The following SGK3 variants were observed in gnomAD, a reference collection of about 807,000 sequenced individuals.
SGK3 encodes serum/glucocorticoid regulated kinase family member 3, also known as serine/threonine-protein kinase Sgk3.
A neutral mutation model predicts 68.5 loss-of-function variants in SGK3; 47 were observed. The ratio of observed to expected loss-of-function variants is 0.69; its 90% CI spans 0.54 to 0.87. SGK3 has a LOEUF of 0.87. Ranked by LOEUF, SGK3 falls within the 40% of genes least tolerant of loss-of-function variation. The probability of loss-of-function intolerance (pLI) is 0.00; values close to 1 mark genes in which losing one functional copy is unlikely to be tolerated. For synonymous variants in SGK3, 181 were observed against 189.1 expected (o/e 0.96, Z 0.35); for missense variants, 479 against 575.5 (o/e 0.83, Z 1.72).
chr8:66,795,495 C>T (rs954068472), intron 2 of SGK3, among the ~76,000 whole-genome samples: 1 of 152,144 alleles, frequency 6.6e-6, no homozygotes, highest in South Asian at 2.1e-4. Context: ...CCTTCCTTCC[C>T]TCTCCTTATT....
chr8:66,861,123 TAAGAGAAAA>T lies in SGK3; in HGVS notation c.*1545_*1553del, dbSNP rs1810731966. 2 of 151,778 alleles carry T rather than the reference TAAGAGAAAA, an allele frequency of 1.3e-5. No homozygotes were observed. Among genetic ancestry groups the T allele is most frequent in the South Asian group, 2.1e-4 (1 of 4,798 alleles). 9.4% of individuals were successfully genotyped at this position (151,778 alleles called of 1,614,324 possible). ...CTGGGTGCCACAGCGAGACCCTAGT[TAAGAGAAAA>T]AAAAAGTAAAAACAAATTGTGGGTC... is the stretch of plus-strand genomic sequence containing the variant. On this transcript the variant is annotated 3_prime_UTR_variant, in exon 17 of 17. Transcript: ENST00000521198.
rs1457275354 is a variant in SGK3, at chr8:66,793,781, T to C, written c.45T>C (p.Ser15=). 8 of 1,613,356 alleles carry C rather than the reference T, an allele frequency of 5.0e-6. No individual in the cohort carries two copies. The highest frequency in any genetic ancestry group is 3.3e-4 in the Middle Eastern group (2 of 6,084). Residue 15 remains serine, a synonymous_variant, in exon 2 of 17, where the codon AGT becomes AGC. Coordinates refer to ENST00000521198, the MANE Select transcript of SGK3 (RefSeq NM_001033578.3). ...TGGACTACAAGGAAAGCTGCCCAAG[T>C]GTAAGCATTCCCAGCTCCGATGAAC... The part of the protein sequence containing the change: ...HTMDYKESCP[S]VSIPSSDEHR...
chr8:66,814,123 T>C (rs1029446609), intron 5 of SGK3, among the ~76,000 whole-genome samples, 195 bp downstream of exon 5: 1 of 152,252 alleles, frequency 6.6e-6, no homozygotes, highest in Admixed American at 6.5e-5. Context: ...TTTTTTCCTT[T>C]TGTACTTGCA....
chr8:66,728,085 A>G (rs1051797096), intron 1 of SGK3, among the ~76,000 whole-genome samples: 9 of 152,190 alleles, frequency 5.9e-5, no homozygotes, highest in Middle Eastern at 3.4e-3. Flanking sequence ...ACCACTATCT[A>G]ATTCCAGAAC....
intron 7 of SGK3, among the ~76,000 whole-genome samples, chr8:66,830,113 C>T (rs1167799485): frequency 3.3e-5 from 5 of 152,016 alleles, no homozygotes; most frequent in Non-Finnish European, 7.4e-5. Context: ...GCCTCAGTCT[C>T]CCAAAGTGCT....
At chr8:66,726,078 G>T (rs1246872158) in intron 1 of SGK3, among the ~76,000 whole-genome samples, 4 of 152,008 alleles carry the variant, frequency 2.6e-5, no homozygotes, top group Non-Finnish European at 5.9e-5. Context: ...AGTTGTACAC[G>T]CTAAGCCAAA....
At chr8:66,812,231 C>G (rs1230975537) in intron 4 of SGK3, among the ~76,000 whole-genome samples, 2 of 152,032 alleles carry the variant, frequency 1.3e-5, no homozygotes, top group Non-Finnish European at 2.9e-5. Flanking sequence ...GAGACAGTTT[C>G]TCAAATCAAA....
At chr8:66,807,831 T>C (rs892664924) in intron 4 of SGK3, among the ~76,000 whole-genome samples, 3 of 152,206 alleles carry the variant, frequency 2.0e-5, no homozygotes, top group African/African-American at 7.2e-5. Flanking sequence ...CACACAAGAC[T>C]GTGTATTGTG....
intron 3 of SGK3, among the ~76,000 whole-genome samples, chr8:66,801,480 G>A (rs1329807164): frequency 6.6e-6 from 1 of 152,072 alleles, no homozygotes; most frequent in African/African-American, 2.4e-5. Context: ...AGTTTGGGTT[G>A]CAATGTTAGC....
intron 1 of SGK3, among the ~76,000 whole-genome samples, chr8:66,754,071 C>T (rs534219957): frequency 1.8e-4 from 27 of 152,232 alleles, no homozygotes; most frequent in African/African-American, 6.0e-4. Flanking sequence ...TGATTTGTAA[C>T]CCCCTTTTGC....
In SGK3 at chr8:66,861,458, AAGAG is replaced by A. The variant is rs1169240959; in HGVS notation, c.*1882_*1885del. 3 of 152,204 alleles carry A rather than the reference AAGAG, an allele frequency of 2.0e-5. No homozygotes were observed. The highest frequency in any genetic ancestry group is 4.8e-5 in the African/African-American group (2 of 41,454). 9.4% of individuals were successfully genotyped at this position (152,204 alleles called of 1,614,324 possible). On this transcript the variant is annotated 3_prime_UTR_variant, in exon 17 of 17. Coordinates refer to ENST00000521198, the MANE Select transcript of SGK3 (RefSeq NM_001033578.3). ...CCTCATTTCTATTTATTTTAAAAAA[AAGAG>A]AGAGTAACTACAGAAGAACTTTAAA...
intron 1 of SGK3, among the ~76,000 whole-genome samples, chr8:66,735,449 G>C (rs1805291244): frequency 1.3e-5 from 2 of 152,288 alleles, no homozygotes; most frequent in South Asian, 4.1e-4. Context: ...CTCTTCTCAT[G>C]CGCTTTTAAT....
At chr8:66,719,723 G>A (rs1486099673) in intron 1 of SGK3, among the ~76,000 whole-genome samples, 1 of 152,050 alleles carries the variant, frequency 6.6e-6, no homozygotes, top group African/African-American at 2.4e-5. Flanking sequence ...TCAATTTTCT[G>A]TTATTTCTGT....
intron 1 of SGK3, chr8:66,737,755 A>G (rs1805367458): frequency 6.6e-6 from 1 of 151,652 alleles, no homozygotes. Flanking sequence ...AGCTGGGACT[A>G]CAGGCACACG....
At chr8:66,777,238 A>G (rs1296931680) in intron 1 of SGK3, among the ~76,000 whole-genome samples, 1 of 152,188 alleles carries the variant, frequency 6.6e-6, no homozygotes, top group African/African-American at 2.4e-5. Context: ...ATTGCATACA[A>G]CACCACACTT....
chr8:66,830,957 A>G (rs1268949592), intron 7 of SGK3, among the ~76,000 whole-genome samples: 2 of 152,222 alleles, frequency 1.3e-5, no homozygotes, highest in African/African-American at 4.8e-5. Flanking sequence ...AAAACTCTAC[A>G]TATAGGATAT....
intron 1 of SGK3, among the ~76,000 whole-genome samples, chr8:66,729,325 G>A (rs1163218951): frequency 5.3e-5 from 8 of 151,872 alleles, no homozygotes; most frequent in Admixed American, 2.6e-4. Context: ...GCGTGGTGGC[G>A]GGCGCCTGTA....
At chr8:66,832,789 G>C (rs572068655) in intron 8 of SGK3, among the ~76,000 whole-genome samples, 1 of 151,884 alleles carries the variant, frequency 6.6e-6, no homozygotes, top group South Asian at 2.1e-4. Context: ...TAGATCTAGA[G>C]TCTTATCAGG....
At chr8:66,836,408 A>T (rs1185311251) in intron 10 of SGK3, among the ~76,000 whole-genome samples, 3 of 152,180 alleles carry the variant, frequency 2.0e-5, no homozygotes, top group Admixed American at 2.0e-4. Flanking sequence ...AGTTGCATAC[A>T]AATATTACTC....
Sources: gnomAD v4.1 joint callset for allele counts (sites outside exome capture counted in the v4.1 genomes callset) on GRCh38, gnomAD v4.1.1 for gene constraint, MANE v1.5 for transcripts, NCBI Gene and HGNC (gene_info 2026-07-23, HGNC 2026-07-21) for gene names.